KCNIP3: variants seen among roughly 807,000 people sequenced by gnomAD.
KCNIP3 encodes potassium voltage-gated channel interacting protein 3.
A neutral mutation model predicts 35.0 loss-of-function variants in KCNIP3; 28 were observed. That is an observed-to-expected ratio of 0.80 (90% CI 0.59 to 1.10). The LOEUF (loss-of-function observed/expected upper bound fraction) is 1.10, where lower values mean the gene tolerates loss of function less well. Ranked by LOEUF, KCNIP3 falls within the 50% of genes least tolerant of loss-of-function variation. The pLI is 0.00. For missense variants in KCNIP3, 295 were observed against 338.4 expected, an observed-to-expected ratio of 0.87 and a Z score of 1.01; for synonymous variants, 134 against 133.8, an observed-to-expected ratio of 1.00 and a Z score of -0.01.
chr2:95,367,645 T>C (rs1393304835), intron 2 of KCNIP3, among the ~76,000 whole-genome samples: 5 of 152,348 alleles, frequency 3.3e-5, no homozygotes, highest in African/African-American at 1.2e-4. Context: ...TTGTAAATGG[T>C]ATTGTTTTTT....
In KCNIP3 at chr2:95,375,129, C is replaced by T. The variant is rs1256645022; in HGVS notation, c.377-9C>T. ...CGACACACCCCAGCCTCTTCCTTGC[C>T]CTCCCCAGATGCCACCACCTATGCA... On this transcript the variant is annotated splice_polypyrimidine_tract_variant and intron_variant, in intron 4 of 8. Transcript: ENST00000295225. The T allele has an allele frequency of 6.2e-7, 1 of 1,614,044 alleles. No homozygotes were observed. Among genetic ancestry groups the T allele is most frequent in the Non-Finnish European group, 8.5e-7 (1 of 1,179,906 alleles).
chr2:95,297,671 C>G (rs1031348882), intron 1 of KCNIP3, among the ~76,000 whole-genome samples: 10 of 151,774 alleles, frequency 6.6e-5, no homozygotes, highest in Non-Finnish European at 1.3e-4. Context: ...GGTGTCCTGG[C>G]TGGTGTTGGG....
chr2:95,315,505 C>T (rs1441455655), intron 2 of KCNIP3, among the ~76,000 whole-genome samples: 1 of 152,128 alleles, frequency 6.6e-6, no homozygotes, highest in African/African-American at 2.4e-5. Context: ...GGCCTCCCAG[C>T]CCTTACTCCC....
At chr2:95,309,851 G>T (rs562203025) in intron 1 of KCNIP3, among the ~76,000 whole-genome samples, 1 of 152,308 alleles carries the variant, frequency 6.6e-6, no homozygotes, top group African/African-American at 2.4e-5. Flanking sequence ...CCCTCCTGGG[G>T]TCACCACCCA....
intron 2 of KCNIP3, among the ~76,000 whole-genome samples, chr2:95,325,747 G>GCACTCATA (rs1347202389): frequency 7.9e-6 from 1 of 125,844 alleles, no homozygotes; most frequent in Non-Finnish European, 1.7e-5. Flanking sequence ...TCATACACAC[G>GCACTCATA]CACTCATACA....
intron 2 of KCNIP3, among the ~76,000 whole-genome samples, chr2:95,325,910 CAT>C (rs1181350439): frequency 2.6e-5 from 4 of 151,308 alleles, no homozygotes; most frequent in East Asian, 1.9e-4. Context: ...CACATTCACT[CAT>C]ACACATACAC....
rs567260849 is a variant in KCNIP3, at chr2:95,331,689, C to T, written c.181+21169C>T. On this transcript the variant is annotated intron_variant, in intron 2 of 8. Coordinates refer to ENST00000295225, the MANE Select transcript of KCNIP3 (RefSeq NM_013434.5). ...AGACACCTATCCACATTCCAAAGAG[C>T]GCCCCACATCCTGTTCTGCCATCGG... 1.4e-4 allele frequency among the ~76,000 whole-genome samples: 22 copies of T among 152,340 alleles called. 1 individual carries two copies. The highest frequency in any genetic ancestry group is 4.3e-4 in the African/African-American group (18 of 41,588).
Position 95,297,366 on chromosome 2 carries a change from G to A in KCNIP3, c.-73G>A. Reference sequence around the variant, plus strand: ...CCAAGCAAACATGAGGCAGCTGCCAGCCGGCCTGGGCAGTCTTGTCTGCCT... The same window carrying A: ...CCAAGCAAACATGAGGCAGCTGCCAACCGGCCTGGGCAGTCTTGTCTGCCT... On this transcript the variant is annotated 5_prime_UTR_variant, in exon 1 of 9. Transcript: ENST00000295225. 2.0e-6 allele frequency: 3 copies of A among 1,495,482 alleles called. No individual in the cohort carries two copies. Among genetic ancestry groups the A allele is most frequent in the East Asian group, 2.5e-5 (1 of 40,304 alleles). The allele number at this position is 1,495,482 out of a possible 1,614,324, so 92.6% of individuals were successfully genotyped here. A position where few individuals can be genotyped will look rare whatever the true frequency, so the allele number is the denominator to read the frequency against.
At chr2:95,315,123 G>A (rs899827519) in intron 2 of KCNIP3, among the ~76,000 whole-genome samples, 1 of 152,086 alleles carries the variant, frequency 6.6e-6, no homozygotes, top group Non-Finnish European at 1.5e-5. Flanking sequence ...TGGAGGCACC[G>A]TGATGGGGGA....
At chr2:95,367,586 C>G (rs1679945932) in intron 2 of KCNIP3, among the ~76,000 whole-genome samples, 1 of 152,112 alleles carries the variant, frequency 6.6e-6, no homozygotes, top group Non-Finnish European at 1.5e-5. Flanking sequence ...GGATTATATA[C>G]ATGTTTTGCA....
intron 2 of KCNIP3, among the ~76,000 whole-genome samples, chr2:95,347,655 A>G (rs575407276): frequency 7.9e-5 from 12 of 152,342 alleles, no homozygotes; most frequent in African/African-American, 2.6e-4. Context: ...TAAAATATTA[A>G]CTGAGGAGAC....
At chr2:95,368,742 C>G (rs1464656578) in intron 2 of KCNIP3, 1 of 245,572 alleles carries the variant, frequency 4.1e-6, no homozygotes, top group Non-Finnish European at 9.0e-6. Flanking sequence ...ACTTTGTCTC[C>G]TTCCTGACTG....
At chr2:95,341,545 C>G (rs574579645) in intron 2 of KCNIP3, among the ~76,000 whole-genome samples, 1 of 152,260 alleles carries the variant, frequency 6.6e-6, no homozygotes, top group Non-Finnish European at 1.5e-5. Context: ...GAAACAAAGT[C>G]CCTCTTGCGT....
At chr2:95,308,716 G>A (rs986704729) in intron 1 of KCNIP3, among the ~76,000 whole-genome samples, 3 of 152,140 alleles carry the variant, frequency 2.0e-5, no homozygotes, top group African/African-American at 7.2e-5. Context: ...TGCTTTCCAG[G>A]ACTGGCTCTC....
At chr2:95,369,994 T>C (rs1680005363) in intron 2 of KCNIP3, among the ~76,000 whole-genome samples, 1 of 152,212 alleles carries the variant, frequency 6.6e-6, no homozygotes, top group Non-Finnish European at 1.5e-5. Context: ...TTTATTATAG[T>C]TTTTAATTTT....
intron 1 of KCNIP3, among the ~76,000 whole-genome samples, chr2:95,300,548 A>G (rs1215492077): frequency 6.6e-6 from 1 of 152,230 alleles, no homozygotes; most frequent in Non-Finnish European, 1.5e-5. Flanking sequence ...CCTAGTGCCC[A>G]GACCTGGGGC....
rs755266605 is a variant in KCNIP3, at chr2:95,382,366, T to G, written c.556-11T>G. 6.4e-7 allele frequency: 1 copy of G among 1,551,572 alleles called. No individual in the cohort carries two copies. ...GCCTTGCAGCAGGCTCATGCCAGCC[T>G]CCCCCTCCAGGAGATGCTGGCCATC... is the stretch of plus-strand genomic sequence containing the variant. On this transcript the variant is annotated splice_polypyrimidine_tract_variant and intron_variant, in intron 6 of 8. Coordinates refer to ENST00000295225, the MANE Select transcript of KCNIP3 (RefSeq NM_013434.5). The surrounding 1 kb of genome is among the most constrained non-coding windows in gnomAD (Gnocchi z 4.5).
intron 2 of KCNIP3, among the ~76,000 whole-genome samples, chr2:95,325,893 A>T: frequency 6.7e-6 from 1 of 148,784 alleles, no homozygotes; most frequent in Non-Finnish European, 1.5e-5. Context: ...ACACACACTC[A>T]TAGACACACA....
intron 2 of KCNIP3, among the ~76,000 whole-genome samples, chr2:95,351,091 G>A (rs1280256260): frequency 6.6e-6 from 1 of 152,264 alleles, no homozygotes; most frequent in African/African-American, 2.4e-5. Flanking sequence ...CCCCAAACCT[G>A]CGGGCTCAGA....
Sources: allele counts gnomAD v4.1 joint callset (sites outside exome capture counted in the v4.1 genomes callset), GRCh38; gene constraint gnomAD v4.1.1; non-coding constraint Gnocchi (gnomAD v3.1); transcripts MANE v1.5; gene names NCBI Gene and HGNC (gene_info 2026-07-23, HGNC 2026-07-21).